R3HDM1: variants seen among roughly 807,000 people sequenced by gnomAD.
R3HDM1 encodes R3H domain containing 1.
In R3HDM1, 46 loss-of-function variants were observed where a neutral mutation model predicts 141.1. The observed-to-expected ratio is 0.33, with a 90% confidence interval of 0.26 to 0.42. The LOEUF (loss-of-function observed/expected upper bound fraction) is 0.42. R3HDM1 is among the 10% of genes least tolerant of loss of function. The probability of loss-of-function intolerance (pLI) is 1.00; values close to 1 mark genes in which losing one functional copy is unlikely to be tolerated. For synonymous variants in R3HDM1, 435 were observed against 472.9 expected, an observed-to-expected ratio of 0.92 and a Z score of 1.04; for missense variants, 1,184 against 1,368.3, an observed-to-expected ratio of 0.87 and a Z score of 2.12.
chr2:135,592,016 T>C (rs1272542578), intron 1 of R3HDM1, among the ~76,000 whole-genome samples: 1 of 152,204 alleles, frequency 6.6e-6, no homozygotes. Flanking sequence ...TCTCATTACA[T>C]TGGCATGATT....
At chr2:135,561,267 A>G (rs973880693) in intron 1 of R3HDM1, 1 of 983,782 alleles carries the variant, frequency 1.0e-6, no homozygotes, top group African/African-American at 1.7e-5. Context: ...TTAGTGAGCC[A>G]AAGTCCTGAT....
chr2:135,647,663 C>G (rs2064623167), intron 16 of R3HDM1, among the ~76,000 whole-genome samples: 1 of 152,186 alleles, frequency 6.6e-6, no homozygotes, highest in Non-Finnish European at 1.5e-5. Context: ...AAAAGTGATT[C>G]TCAATGAATA....
At chr2:135,667,287 A>C (rs964495642) in intron 19 of R3HDM1, 1 of 877,374 alleles carries the variant, frequency 1.1e-6, no homozygotes, top group Admixed American at 6.2e-5. Flanking sequence ...ATATTGTCCT[A>C]GTTCTCTTAG....
At chr2:135,625,952 C>A (rs1347516718) in intron 7 of R3HDM1, among the ~76,000 whole-genome samples, 1 of 152,176 alleles carries the variant, frequency 6.6e-6, no homozygotes, top group Admixed American at 6.5e-5. Flanking sequence ...TCCCTGAGTT[C>A]TGTGATCTGC....
At chr2:135,649,766 C>T in intron 16 of R3HDM1, 136 bp from the exon 17 acceptor site, 3 of 332,498 alleles carry the variant, frequency 9.0e-6, no homozygotes, top group Non-Finnish European at 1.4e-5. Flanking sequence ...TTGTTGTTTC[C>T]TATGTTGTTA....
At chr2:135,631,824 C>A (rs373898753) in intron 8 of R3HDM1, 37 bp from the exon 9 acceptor site, 12 of 1,592,720 alleles carry the variant, frequency 7.5e-6, no homozygotes, top group Non-Finnish European at 1.0e-5. Flanking sequence ...TCACCATTCT[C>A]CTTGACTTAC....
intron 9 of R3HDM1, among the ~76,000 whole-genome samples, chr2:135,633,550 A>G (rs1363217149): frequency 6.6e-6 from 1 of 152,170 alleles, no homozygotes; most frequent in East Asian, 1.9e-4. Flanking sequence ...CAATAATATA[A>G]TTATAATCAG....
intron 1 of R3HDM1, among the ~76,000 whole-genome samples, chr2:135,533,549 T>C (rs566446113): frequency 6.6e-6 from 1 of 152,348 alleles, no homozygotes; most frequent in Non-Finnish European, 1.5e-5. Context: ...ATGAGGATGA[T>C]AATGCTTAAC....
chr2:135,631,116 A>G (rs1336416006), intron 7 of R3HDM1, among the ~76,000 whole-genome samples: 1 of 152,154 alleles, frequency 6.6e-6, no homozygotes, highest in Non-Finnish European at 1.5e-5. Context: ...TATAATTAAT[A>G]CTTCTCTGCC....
rs1310861850 is a variant in R3HDM1 at position 135,545,479 on chromosome 2, A to G, written c.-250+13846A>G. On this transcript the variant is annotated intron_variant, in intron 1 of 26. Transcript: ENST00000683871. Reference sequence around the variant, plus strand: ...TCAAGCAAACACTTGAATGAAATGAAGGAAAAAGCCATGAGATATATCAGG... The same window carrying G: ...TCAAGCAAACACTTGAATGAAATGAGGGAAAAAGCCATGAGATATATCAGG... Among the ~76,000 whole-genome samples, 4 of 152,238 alleles carry G rather than the reference A, an allele frequency of 2.6e-5. No individual in the cohort carries two copies. The East Asian group carries it at 7.7e-4, about 29-fold the overall frequency.
In R3HDM1 at chr2:135,651,812, T is replaced by A. The variant is rs770369922; in HGVS notation, c.1808T>A (p.Met603Lys). 1 of 1,614,166 alleles carries A rather than the reference T, an allele frequency of 6.2e-7. No homozygotes were observed. Among genetic ancestry groups the A allele is most frequent in the Non-Finnish European group, 8.5e-7 (1 of 1,180,018 alleles). The change falls in exon 18 of 27, where the codon ATG (methionine) becomes AAG (lysine). Residue 603 changes from methionine to lysine, a missense_variant. This residue lies in a region of R3HDM1 where 563 missense variants were observed against 562.0 expected (regional missense o/e 1.00). Coordinates refer to ENST00000683871, the MANE Select transcript of R3HDM1 (RefSeq NM_001378107.1). ...GATGGTTCTGACCCTCATGCCGCCA[T>A]GTTCCAGTCCACTGTGGTTCTTCAG... ...SADGSDPHAA[M>K]FQSTVVLQSP...
chr2:135,698,199 A>G (rs985939674), intron 21 of R3HDM1, among the ~76,000 whole-genome samples: 6 of 140,930 alleles, frequency 4.3e-5, no homozygotes, highest in South Asian at 2.3e-4. Flanking sequence ...TCACTCTGTC[A>G]CCCAGGCTGG....
intron 21 of R3HDM1, among the ~76,000 whole-genome samples, chr2:135,688,114 AG>A (rs1167771218): frequency 6.6e-6 from 1 of 152,202 alleles, no homozygotes; most frequent in Non-Finnish European, 1.5e-5. Flanking sequence ...TCCCTGTTTC[AG>A]TTCTTCTATT....
At chr2:135,620,410 A>C in intron 5 of R3HDM1, 2 of 862,462 alleles carry the variant, frequency 2.3e-6, no homozygotes, top group Non-Finnish European at 1.4e-6. Flanking sequence ...AGTGTAAGGA[A>C]GTTGCCAGTG....
At chr2:135,690,161 G>A (rs560074943) in intron 21 of R3HDM1, among the ~76,000 whole-genome samples, 1 of 151,890 alleles carries the variant, frequency 6.6e-6, no homozygotes, top group African/African-American at 2.4e-5. Context: ...TATTTCTCTA[G>A]TGTCCCTTTT....
intron 1 of R3HDM1, among the ~76,000 whole-genome samples, chr2:135,547,341 G>C (rs1158438314): frequency 2.0e-5 from 3 of 152,096 alleles, no homozygotes; most frequent in Non-Finnish European, 4.4e-5. Context: ...GGATTCATGA[G>C]TTACTTGAAG....
intron 26 of R3HDM1, 95 bp from the exon 27 acceptor site, chr2:135,723,842 G>T: frequency 2.5e-6 from 2 of 791,246 alleles, no homozygotes; most frequent in South Asian, 1.8e-5. Context: ...GTATTCGAAT[G>T]GTCATTTCCC....
chr2:135,641,198 C>A (rs1467354432), intron 14 of R3HDM1, among the ~76,000 whole-genome samples: 1 of 152,002 alleles, frequency 6.6e-6, no homozygotes, highest in Non-Finnish European at 1.5e-5. Context: ...TCTATATATT[C>A]CTAGGTGTTA....
At chr2:135,695,640 G>A (rs1416877038) in intron 21 of R3HDM1, among the ~76,000 whole-genome samples, 1 of 151,924 alleles carries the variant, frequency 6.6e-6, no homozygotes, top group African/African-American at 2.4e-5. Flanking sequence ...TGCATACAGA[G>A]GAACACAGTT....
Sources: allele counts gnomAD v4.1 joint callset (sites outside exome capture counted in the v4.1 genomes callset), GRCh38; gene constraint gnomAD v4.1.1; regional missense constraint gnomAD v4.1.1; transcripts MANE v1.5; gene names NCBI Gene and HGNC (gene_info 2026-07-23, HGNC 2026-07-21).